The following RALGPS2 variants were observed in gnomAD, a reference collection of about 807,000 sequenced individuals.
RALGPS2 encodes the protein Ral GEF with PH domain and SH3 binding motif 2.
In RALGPS2, 43 loss-of-function variants were observed where a neutral mutation model predicts 86.8. The observed-to-expected ratio is 0.50, with a 90% CI of 0.39 to 0.64. The LOEUF is 0.64. Among genes scored for constraint, RALGPS2 ranks in the 30% least tolerant of loss-of-function variants. The probability of loss-of-function intolerance (pLI) is 0.00; values close to 1 mark genes in which losing one functional copy is unlikely to be tolerated. For missense variants in RALGPS2, 536 were observed against 694.6 expected (o/e 0.77, Z 2.57); for synonymous variants, 243 against 231.3 (o/e 1.05, Z -0.46).
Position 178,742,053 on chromosome 1 carries a change from T to C in RALGPS2, c.-84+16634T>C, listed in dbSNP as rs1651059557. ...CAGGAGGCTGAGGCAGGAGAATTGC[T>C]TGAACCTGGGAGGCAGAGGTGGCAG... On this transcript the variant is annotated intron_variant, in intron 1 of 19. Coordinates refer to ENST00000367635, the MANE Select transcript of RALGPS2 (RefSeq NM_152663.5). Among the ~76,000 whole-genome samples, 6 of 151,362 alleles carry C rather than the reference T, an allele frequency of 4.0e-5. No individual in the cohort carries two copies. The South Asian group carries it at 1.3e-3, about 32-fold the overall frequency.
At chr1:178,851,173 A>G in intron 8 of RALGPS2, 1 of 1,613,956 alleles carries the variant, frequency 6.2e-7, no homozygotes, top group South Asian at 1.1e-5. Context: ...CTTAAGGAGT[A>G]TGACCCGCCT....
chr1:178,871,948 T>A (rs1215281433), intron 8 of RALGPS2, among the ~76,000 whole-genome samples: 1 of 152,222 alleles, frequency 6.6e-6, no homozygotes, highest in Non-Finnish European at 1.5e-5. Flanking sequence ...ACTATTGTAT[T>A]TCATTAATTG....
chr1:178,914,780 T>A (rs2102425340), intron 19 of RALGPS2, among the ~76,000 whole-genome samples: 1 of 152,266 alleles, frequency 6.6e-6, no homozygotes, highest in South Asian at 2.1e-4. Context: ...TTTAGCAACC[T>A]CCATAAAGGA....
At chr1:178,854,813 T>C (rs981775215) in intron 8 of RALGPS2, among the ~76,000 whole-genome samples, 8 of 152,186 alleles carry the variant, frequency 5.3e-5, no homozygotes, top group Admixed American at 3.9e-4. Flanking sequence ...AATCCACTAA[T>C]AATTTCTTCA....
intron 8 of RALGPS2, chr1:178,853,610 T>G: frequency 1.3e-6 from 2 of 1,596,396 alleles, no homozygotes; most frequent in Non-Finnish European, 1.7e-6. Context: ...ATTTTCCCAA[T>G]TTCTGAAGAA....
chr1:178,855,257 A>G (rs1026019413), intron 8 of RALGPS2, among the ~76,000 whole-genome samples: 5 of 150,052 alleles, frequency 3.3e-5, no homozygotes, highest in Non-Finnish European at 7.4e-5. Context: ...CTTAGAGACT[A>G]TGATCTCTTC....
chr1:178,881,928 C>T (rs1659272567), intron 10 of RALGPS2, among the ~76,000 whole-genome samples: 1 of 152,136 alleles, frequency 6.6e-6, no homozygotes, highest in African/African-American at 2.4e-5. Context: ...ATGTCACTTA[C>T]AAAAGGCCTG....
intron 8 of RALGPS2, among the ~76,000 whole-genome samples, chr1:178,854,499 C>T (rs1226655582): frequency 1.3e-5 from 2 of 152,026 alleles, no homozygotes; most frequent in Non-Finnish European, 2.9e-5. Flanking sequence ...TTAAATTTCC[C>T]CCAACAACAC....
chr1:178,811,649 T>C (rs957184644), intron 6 of RALGPS2, among the ~76,000 whole-genome samples: 8 of 152,184 alleles, frequency 5.3e-5, no homozygotes, highest in African/African-American at 1.9e-4. Flanking sequence ...GTGATCTGTT[T>C]TACTGAATAA....
At chr1:178,909,643 A>ATTTTTTTTTTTTTTTT (rs57890269) in intron 19 of RALGPS2, among the ~76,000 whole-genome samples, 1 of 72,384 alleles carries the variant, frequency 1.4e-5, no homozygotes, top group African/African-American at 5.9e-5. Context: ...TTCTTTTTTA[A>ATTTTTTTTTTTTTTTT]TTTTTTTTTT....
intron 7 of RALGPS2, among the ~76,000 whole-genome samples, chr1:178,823,345 A>G (rs1351134535): frequency 6.6e-6 from 1 of 152,206 alleles, no homozygotes; most frequent in African/African-American, 2.4e-5. Context: ...CTTGACATTT[A>G]ATAGTGAATG....
intron 1 of RALGPS2, among the ~76,000 whole-genome samples, chr1:178,775,113 G>T (rs149666140): frequency 6.6e-6 from 1 of 152,254 alleles, no homozygotes; most frequent in Admixed American, 6.5e-5. Context: ...TTACATCATA[G>T]TAATAGCATA....
At position 178,921,326 on chromosome 1, in the gene RALGPS2, A is replaced by G. The variant is rs994467915; in HGVS notation, c.*4967A>G. The G allele has an allele frequency of 6.6e-6, 1 of 152,054 alleles. No individual in the cohort carries two copies. The highest frequency in any genetic ancestry group is 1.5e-5 in the Non-Finnish European group (1 of 67,936). The allele number at this position is 152,054 out of a possible 1,614,324, so 9.4% of individuals were successfully genotyped here. A position where few individuals can be genotyped will look rare whatever the true frequency, so the allele number is the denominator to read the frequency against. ...CATAAATAATAGCTGTGCTTTAGAT[A>G]CCAGATAACAAATATTGTTTCCCCT... On this transcript the variant is annotated 3_prime_UTR_variant, in exon 20 of 20. Transcript: ENST00000367635.
intron 5 of RALGPS2, 64 bp from the exon 6 acceptor site, chr1:178,811,251 A>C: frequency 7.5e-7 from 1 of 1,329,646 alleles, no homozygotes; most frequent in Non-Finnish European, 1.0e-6. Flanking sequence ...ATTTTTTAAA[A>C]TACAGCAAAA....
At chr1:178,855,314 AC>A (rs1183476191) in intron 8 of RALGPS2, among the ~76,000 whole-genome samples, 8 of 117,586 alleles carry the variant, frequency 6.8e-5, no homozygotes, top group Non-Finnish European at 1.4e-4. Context: ...TTTTTTTTTT[AC>A]TTCATATCAT....
At chr1:178,853,460 G>T in intron 8 of RALGPS2, 2 of 816,240 alleles carry the variant, frequency 2.5e-6, no homozygotes, top group Non-Finnish European at 3.5e-6. Context: ...TTTTTTGACA[G>T]ATGTAGATAA....
intron 8 of RALGPS2, among the ~76,000 whole-genome samples, chr1:178,845,657 G>A (rs900768172): frequency 2.0e-5 from 3 of 152,052 alleles, no homozygotes; most frequent in Admixed American, 2.0e-4. Context: ...TATTTGCATG[G>A]GTCAACTCCT....
At chr1:178,800,263 A>G (rs1373220287) in intron 4 of RALGPS2, among the ~76,000 whole-genome samples, 1 of 152,222 alleles carries the variant, frequency 6.6e-6, no homozygotes, top group Non-Finnish European at 1.5e-5. Context: ...AGGCATTGAA[A>G]CTAAAGGAAA....
intron 8 of RALGPS2, among the ~76,000 whole-genome samples, chr1:178,841,035 G>C (rs183176023): frequency 1.2e-4 from 18 of 152,132 alleles, no homozygotes; most frequent in African/African-American, 4.3e-4. Context: ...GAAAGTCCAG[G>C]ACCAGATGGA....
Sources: allele counts gnomAD v4.1 joint callset (sites outside exome capture counted in the v4.1 genomes callset), GRCh38; gene constraint gnomAD v4.1.1; transcripts MANE v1.5; gene names NCBI Gene and HGNC (gene_info 2026-07-23, HGNC 2026-07-21).